The following MYO16 variants were observed in gnomAD, a reference collection of about 807,000 sequenced individuals.
The protein encoded by MYO16 is myosin XVI.
MYO16 carries 94 observed loss-of-function variants against 205.3 expected under a neutral mutation model. The observed-to-expected ratio is 0.46, with a 90% CI of 0.39 to 0.54. The LOEUF is 0.54. Among genes scored for constraint, MYO16 ranks in the 20% least tolerant of loss-of-function variants. The pLI, the probability that MYO16 is intolerant of heterozygous loss-of-function variation, is 0.00. For missense variants in MYO16, 2,315 were observed against 2,387.5 expected (o/e 0.97, Z 0.63); for synonymous variants, 988 against 954.0 (o/e 1.04, Z -0.66).
At chr13:108,836,500 T>C (rs548730311) in intron 9 of MYO16, among the ~76,000 whole-genome samples, 88 of 152,274 alleles carry the variant, frequency 5.8e-4, no homozygotes, top group Middle Eastern at 3.4e-3. Context: ...AAGTGGGCCA[T>C]GTTCCTCCAG....
chr13:108,756,956 T>C lies in MYO16; in HGVS notation c.508-28679T>C, dbSNP rs1204455864. Among the ~76,000 whole-genome samples, 3 of 152,324 alleles carry C rather than the reference T, an allele frequency of 2.0e-5. No homozygotes were observed. In the East Asian group the frequency reaches 5.8e-4, roughly 29 times the overall value. On this transcript the variant is annotated intron_variant, in intron 4 of 34. Coordinates refer to ENST00000457511, the MANE Select transcript of MYO16 (RefSeq NM_001198950.3). The stretch of plus-strand genomic sequence containing the variant: ...GATGGCTTAATACGACAACTTGCTG[T>C]ACTAAAATTTATTCAATAGCCCTTG...
In MYO16 at chr13:108,618,195, G is replaced by C. The variant is rs1879416227; in HGVS notation, c.-39+21956G>C. Among the ~76,000 whole-genome samples the C allele has an allele frequency of 2.0e-5, 3 of 152,120 alleles. No homozygotes were observed. In the South Asian group the frequency reaches 6.2e-4, roughly 31 times the overall value. On this transcript the variant is annotated intron_variant, in intron 1 of 24. Transcript: ENST00000251041. ...CAGAGCATCACGATTTAACTCCTCT[G>C]TTAAAAATCTGCTATCCACTCCCCA...
At position 108,787,340 on chromosome 13, in the gene MYO16, A is replaced by T. The variant is rs146168185; in HGVS notation, c.616+1597A>T. Among the ~76,000 whole-genome samples the T allele has an allele frequency of 1.8e-4, 27 of 152,334 alleles. 1 individual carries two copies. The East Asian group carries it at 5.0e-3, about 28-fold the overall frequency. On this transcript the variant is annotated intron_variant, in intron 5 of 34. Coordinates refer to ENST00000457511, the MANE Select transcript of MYO16 (RefSeq NM_001198950.3). ...ATGGTTTAAAAAAATAAAACCAGTG[A>T]TGTCAAATTTTTAAAAAGTACTTGA...
intron 28 of MYO16, chr13:109,101,583 T>C (rs1450171581): frequency 6.6e-6 from 1 of 152,182 alleles, no homozygotes; most frequent in Non-Finnish European, 1.5e-5. Context: ...GTAAATACCT[T>C]CAACAACATC....
At chr13:109,163,403 G>A (rs535740138) in intron 32 of MYO16, among the ~76,000 whole-genome samples, 1 of 152,124 alleles carries the variant, frequency 6.6e-6, no homozygotes, top group Non-Finnish European at 1.5e-5. Context: ...AGTTAAGAGG[G>A]ACCAAGTCAA....
At chr13:108,868,313 T>A (rs1276683109) in intron 12 of MYO16, among the ~76,000 whole-genome samples, 1 of 152,196 alleles carries the variant, frequency 6.6e-6, no homozygotes, top group African/African-American at 2.4e-5. Flanking sequence ...ATTTGTTTAC[T>A]TATCATTCTA....
intron 23 of MYO16, among the ~76,000 whole-genome samples, chr13:109,022,412 T>TAC (rs1491350515): frequency 7.9e-6 from 1 of 126,516 alleles, no homozygotes; most frequent in Non-Finnish European, 1.6e-5. Flanking sequence ...TATGTATATA[T>TAC]TGTATATACA....
chr13:108,837,879 C>T (rs443620), intron 9 of MYO16, among the ~76,000 whole-genome samples: 89,876 of 151,956 alleles, frequency 0.59, 27,901 homozygotes, highest in Middle Eastern at 0.72. Flanking sequence ...TTTTTTTGTA[C>T]TTCATAAACT....
At position 108,660,055 on chromosome 13, in the gene MYO16, T is replaced by C. The variant is rs757462360; in HGVS notation, c.29-5831T>C. Among the ~76,000 whole-genome samples, 70 of 152,220 alleles carry C rather than the reference T, an allele frequency of 4.6e-4. 1 individual carries two copies. The highest frequency in any genetic ancestry group is 5.7e-4 in the Non-Finnish European group (39 of 68,014). On this transcript the variant is annotated intron_variant, in intron 1 of 34. Coordinates refer to ENST00000457511, the MANE Select transcript of MYO16 (RefSeq NM_001198950.3). Reference sequence around the variant, plus strand: ...AGTTTGAAGCTGCAGTGAGCTATGATTATGCCACTGCACTCTAGCCTGGGC... The same window carrying C: ...AGTTTGAAGCTGCAGTGAGCTATGACTATGCCACTGCACTCTAGCCTGGGC...
chr13:108,689,834 G>A (rs1259798592), intron 2 of MYO16, among the ~76,000 whole-genome samples: 1 of 151,990 alleles, frequency 6.6e-6, no homozygotes, highest in Non-Finnish European at 1.5e-5. Context: ...GAAAATAATC[G>A]ATTAATCAAG....
At position 108,680,869 on chromosome 13, in the gene MYO16, C is replaced by A. The variant is rs145410230; in HGVS notation, c.292+14720C>A. Among the ~76,000 whole-genome samples the A allele has an allele frequency of 2.0e-3, 309 of 152,248 alleles. 3 individuals carry two copies. The highest frequency in any genetic ancestry group is 7.2e-3 in the African/African-American group (299 of 41,542). On this transcript the variant is annotated intron_variant, in intron 2 of 34. Transcript: ENST00000457511. ...CAATGGTGTTGTAGCTTATATTTTG[C>A]ATTTGTGTAGTGACTTCTTATACAT... is the stretch of plus-strand genomic sequence containing the variant.
intron 4 of MYO16, among the ~76,000 whole-genome samples, chr13:108,756,129 C>T (rs1021929979): frequency 2.6e-5 from 4 of 151,176 alleles, no homozygotes; most frequent in African/African-American, 9.9e-5. Flanking sequence ...TTTCACATAG[C>T]ATATGAGTTA....
intron 23 of MYO16, among the ~76,000 whole-genome samples, chr13:109,020,258 A>G (rs1389082621): frequency 1.3e-5 from 2 of 152,174 alleles, no homozygotes; most frequent in East Asian, 1.9e-4. Flanking sequence ...CTTGCCTTGA[A>G]TATAGTTTTT....
chr13:109,199,744 T>A (rs1026606454), intron 34 of MYO16, among the ~76,000 whole-genome samples: 5 of 152,208 alleles, frequency 3.3e-5, no homozygotes, highest in African/African-American at 1.2e-4. Context: ...GTATCAAAAC[T>A]AAAGCTTTTT....
chr13:108,758,420 A>G (rs527464200), intron 4 of MYO16, among the ~76,000 whole-genome samples: 62 of 152,286 alleles, frequency 4.1e-4, no homozygotes, highest in Admixed American at 3.5e-3. Flanking sequence ...TTATTGAAAC[A>G]TATCTGTAAG....
chr13:108,510,399 G>A, the MYO16 span, among the ~76,000 whole-genome samples: 5 of 144,334 alleles, frequency 3.5e-5, no homozygotes, highest in Non-Finnish European at 7.5e-5. Context: ...TTACAGGCGT[G>A]AGCCACCATG....
intron 16 of MYO16, among the ~76,000 whole-genome samples, chr13:108,939,874 A>G (rs1238115861): frequency 1.3e-5 from 2 of 152,166 alleles, no homozygotes; most frequent in Non-Finnish European, 2.9e-5. Flanking sequence ...ATGTATATAT[A>G]CACACACACT....
chr13:108,527,811 T>G, the MYO16 span, among the ~76,000 whole-genome samples: 7 of 152,220 alleles, frequency 4.6e-5, no homozygotes, highest in African/African-American at 1.7e-4. Flanking sequence ...CCTACCTTAT[T>G]TTTGAAAGTG....
intron 23 of MYO16, among the ~76,000 whole-genome samples, chr13:109,022,766 A>G (rs1459536484): frequency 7.3e-6 from 1 of 136,694 alleles, no homozygotes; most frequent in African/African-American, 2.6e-5. Context: ...ACATGTATAT[A>G]TTTATATATT....
Sources: allele counts gnomAD v4.1 joint callset (sites outside exome capture counted in the v4.1 genomes callset), GRCh38; gene constraint gnomAD v4.1.1; transcripts MANE v1.5; gene names NCBI Gene and HGNC (gene_info 2026-07-23, HGNC 2026-07-21).